Variants in OR52E6 observed in about 807,000 individuals in gnomAD.
OR52E6 encodes olfactory receptor 52E6.
For missense variants in OR52E6, 419 were observed against 381.5 expected (o/e 1.10, Z -0.82); for synonymous variants, 173 against 137.3 (o/e 1.26, Z -1.82).
In OR52E6 at chr11:5,841,409, A is replaced by G; in HGVS notation, c.489T>C (p.Phe163=). 6.2e-7 allele frequency: 1 copy of G among 1,614,222 alleles called. No homozygotes were observed. Among genetic ancestry groups the G allele is most frequent in the South Asian group, 1.1e-5 (1 of 91,084 alleles). The change falls in exon 1 of 1, where the codon TTT becomes TTC. Residue 163 remains phenylalanine (F), a synonymous_variant. Transcript: ENST00000329322. ...RSLYMVIPLV[F]LLLRLPFCGH... ...CACAGAAGGGCAACCTTAAGAGGAG[A>G]AACACCAGTGGAATGACCATGTACA...
At position 5,841,377 on chromosome 11, in the gene OR52E6, C is replaced by T. The variant is rs200669717; in HGVS notation, c.521G>A (p.Arg174His). The T allele has an allele frequency of 2.8e-4, 457 of 1,614,132 alleles. No homozygotes were observed. Among genetic ancestry groups the T allele is most frequent in the Non-Finnish European group, 3.6e-4 (426 of 1,180,016 alleles). ...LLLRLPFCGHRIIPHTYCEHM... is the reference protein window; with the variant it reads ...LLLRLPFCGHHIIPHTYCEHM... ...CTCACAGTAAGTATGAGGGATGATA[C>T]GATGTCCACAGAAGGGCAACCTTAA... The change falls in exon 1 of 1, where the codon CGT (arginine) becomes CAT (histidine). Residue 174 changes from arginine to histidine, a missense_variant. Transcript: ENST00000329322.
rs773834562 is a variant in OR52E6, at chr11:5,841,669, T to C, written c.229A>G (p.Thr77Ala). Residue 77 changes from threonine (T) to alanine (A), a missense_variant, in exon 1 of 1, where the codon ACG (threonine) becomes GCG (alanine). Coordinates refer to ENST00000329322, the MANE Select transcript of OR52E6 (RefSeq NM_001005167.2). ...MLDSIDLSLS[T>A]ATIPKMLGIF... is the part of the protein sequence containing the mutation. ...CCCAGCATTTTGGGAATGGTGGCCG[T>C]AGACAAGCTCAGGTCAATGGAATCC... 200 of 1,613,836 alleles carry C rather than the reference T, an allele frequency of 1.2e-4. No individual in the cohort carries two copies. Among genetic ancestry groups the C allele is most frequent in the Non-Finnish European group, 1.6e-4 (188 of 1,179,916 alleles).
Position 5,841,640 on chromosome 11 carries a change from G to A in OR52E6, c.258C>T (p.Ile86=). 1 of 1,614,102 alleles carries A rather than the reference G, an allele frequency of 6.2e-7. No individual in the cohort carries two copies. Among genetic ancestry groups the A allele is most frequent in the Non-Finnish European group, 8.5e-7 (1 of 1,179,988 alleles). The stretch of plus-strand genomic sequence containing the variant: ...ATATTTCCTTGATATTGAACCAGAA[G>A]ATGCCCAGCATTTTGGGAATGGTGG... The part of the protein sequence containing the change: ...STATIPKMLG[I]FWFNIKEISF... Residue 86 remains isoleucine (I), a synonymous_variant, in exon 1 of 1, where the codon ATC becomes ATT. Transcript: ENST00000329322.
Position 5,840,942 on chromosome 11 carries a change from C to T in OR52E6, c.*14G>A. ...ATCATGAATGCTAAGAGAGACCCTC[C>T]AAACTCCAACTGGTTAGTGATCTGT... is the stretch of plus-strand genomic sequence containing the variant. On this transcript the variant is annotated 3_prime_UTR_variant, in exon 1 of 1. Coordinates refer to ENST00000329322, the MANE Select transcript of OR52E6 (RefSeq NM_001005167.2). 2 of 1,515,544 alleles carry T rather than the reference C, an allele frequency of 1.3e-6. No homozygotes were observed. The highest frequency in any genetic ancestry group is 1.8e-6 in the Non-Finnish European group (2 of 1,129,698). The allele number at this position is 1,515,544 out of a possible 1,614,324, so 93.9% of individuals were successfully genotyped here. A position where few individuals can be genotyped will look rare whatever the true frequency, so the allele number is the denominator to read the frequency against.
In OR52E6 at chr11:5,841,639, A is replaced by C. The variant is rs201073329; in HGVS notation, c.259T>G (p.Phe87Val). 116 of 1,614,140 alleles carry C rather than the reference A, an allele frequency of 7.2e-5. No homozygotes were observed. Among genetic ancestry groups the C allele is most frequent in the Middle Eastern group, 1.7e-4 (1 of 6,060 alleles). Reference protein sequence around the residue: ...TATIPKMLGIFWFNIKEISFG... With the variant: ...TATIPKMLGIVWFNIKEISFG... ...GATATTTCCTTGATATTGAACCAGAAGATGCCCAGCATTTTGGGAATGGTG... is the reference window on the plus strand; with the variant it reads ...GATATTTCCTTGATATTGAACCAGACGATGCCCAGCATTTTGGGAATGGTG... Residue 87 changes from phenylalanine (F) to valine (V), a missense_variant, in exon 1 of 1, where the codon TTC becomes GTC. Transcript: ENST00000329322.
Position 5,841,777 on chromosome 11 carries a change from G to T in OR52E6, c.121C>A (p.Leu41Ile). 1.9e-6 allele frequency: 3 copies of T among 1,613,700 alleles called. No homozygotes were observed. Among genetic ancestry groups the T allele is most frequent in the East Asian group, 2.2e-5 (1 of 44,864 alleles). ...FPFFSVYLIA[L>I]LGNAAIFFVI... ...AAGAAGATAGCAGCATTTCCCAGGAGTGCAATAAGATACACAGAGAAAAAA... is the reference window on the plus strand; with the variant it reads ...AAGAAGATAGCAGCATTTCCCAGGATTGCAATAAGATACACAGAGAAAAAA... Residue 41 changes from leucine to isoleucine, a missense_variant, in exon 1 of 1, where the codon CTC (leucine) becomes ATC (isoleucine). Physicochemically the swap from Leu to Ile is conservative, Grantham distance 5. Transcript: ENST00000329322.
chr11:5,841,867 T>G lies in OR52E6; in HGVS notation c.31A>C (p.Thr11Pro), dbSNP rs759317948. The change falls in exon 1 of 1, where the codon ACT becomes CCT. Residue 11 changes from threonine (T) to proline (P), a missense_variant. By Grantham distance (38) the Thr-to-Pro change is conservative. Coordinates refer to ENST00000329322, the MANE Select transcript of OR52E6 (RefSeq NM_001005167.2). Reference sequence around the variant, plus strand: ...ATACCCAGCAGTAGGAATGAAGAAGTATGGAACTGGGTGTCGTTAGCTATA... The same window carrying G: ...ATACCCAGCAGTAGGAATGAAGAAGGATGGAACTGGGTGTCGTTAGCTATA... The part of the protein sequence containing the change: MPIANDTQFH[T>P]SSFLLLGIPG... 6.2e-7 allele frequency: 1 copy of G among 1,612,202 alleles called. No individual in the cohort carries two copies.
At position 5,841,067 on chromosome 11, in the gene OR52E6, C is replaced by T; in HGVS notation, c.831G>A (p.Leu277=). The change falls in exon 1 of 1, where the codon TTG becomes TTA. Residue 277 remains leucine (L), a synonymous_variant. Coordinates refer to ENST00000329322, the MANE Select transcript of OR52E6 (RefSeq NM_001005167.2). ...HDIPQYIHIF[L]ANLYVVVPPT... is the part of the protein sequence containing the mutation. ...GAGGAACAACCACATATAGATTAGCCAAGAAAATGTGGATATATTGGGGAA... is the reference window on the plus strand; with the variant it reads ...GAGGAACAACCACATATAGATTAGCTAAGAAAATGTGGATATATTGGGGAA... 1 of 1,613,638 alleles carries T rather than the reference C, an allele frequency of 6.2e-7. No homozygotes were observed. Among genetic ancestry groups the T allele is most frequent in the Non-Finnish European group, 8.5e-7 (1 of 1,179,846 alleles).
Position 5,841,036 on chromosome 11 carries a change from G to A in OR52E6, c.862C>T (p.Leu288Phe), listed in dbSNP as rs778099730. 2 of 1,613,360 alleles carry A rather than the reference G, an allele frequency of 1.2e-6. No individual in the cohort carries two copies. The highest frequency in any genetic ancestry group is 2.7e-5 in the African/African-American group (2 of 75,002). Residue 288 changes from leucine (L) to phenylalanine (F), a missense_variant, in exon 1 of 1, where the codon CTC becomes TTC. Physicochemically the swap from Leu to Phe is conservative, Grantham distance 22 (BLOSUM62 0). Coordinates refer to ENST00000329322, the MANE Select transcript of OR52E6 (RefSeq NM_001005167.2). Reference sequence around the variant, plus strand: ...CTGACCCCATAGATTACAGGATTGAGGGTGGGAGGAACAACCACATATAGA... The same window carrying A: ...CTGACCCCATAGATTACAGGATTGAAGGTGGGAGGAACAACCACATATAGA... ...ANLYVVVPPT[L>F]NPVIYGVRTK...
chr11:5,841,809 C>T lies in OR52E6; in HGVS notation c.89G>A (p.Gly30Glu). 1 of 1,613,864 alleles carries T rather than the reference C, an allele frequency of 6.2e-7. No individual in the cohort carries two copies. Among genetic ancestry groups the T allele is most frequent in the South Asian group, 1.1e-5 (1 of 91,056 alleles). The change falls in exon 1 of 1, where the codon GGA (glycine) becomes GAA (glutamate). Residue 30 changes from glycine (G) to glutamate (E), a missense_variant. By Grantham distance (98) the Gly-to-Glu change is moderately conservative. Transcript: ENST00000329322. The part of the protein sequence containing the change: ...PGLEDVHIWI[G>E]FPFFSVYLIA... The stretch of plus-strand genomic sequence containing the variant: ...AAGATACACAGAGAAAAAAGGGAAT[C>T]CAATCCAGATGTGCACATCTTCTAG...
At position 5,841,254 on chromosome 11, in the gene OR52E6, A is replaced by G; in HGVS notation, c.644T>C (p.Ile215Thr). The G allele has an allele frequency of 6.2e-7, 1 of 1,614,010 alleles. No homozygotes were observed. The highest frequency in any genetic ancestry group is 2.2e-5 in the East Asian group (1 of 44,824). Reference protein sequence around the residue: ...ISLLLLDVLLIILSHIRILYA... With the variant: ...ISLLLLDVLLTILSHIRILYA... ...GAGGATCCTGATATGGGAGAGAATAATAAGGAGCACATCCAATAACAAGAG... is the reference window on the plus strand; with the variant it reads ...GAGGATCCTGATATGGGAGAGAATAGTAAGGAGCACATCCAATAACAAGAG... Residue 215 changes from isoleucine to threonine, a missense_variant, in exon 1 of 1, where the codon ATT (isoleucine) becomes ACT (threonine). By Grantham distance (89) the Ile-to-Thr change is moderately conservative. Transcript: ENST00000329322.
rs757119732 is a variant in OR52E6, at chr11:5,841,627, T to C, written c.271A>G (p.Ile91Val). Reference protein sequence around the residue: ...PKMLGIFWFNIKEISFGGYLS... With the variant: ...PKMLGIFWFNVKEISFGGYLS... ...TAGCCTCCAAAAGATATTTCCTTGATATTGAACCAGAAGATGCCCAGCATT... is the reference window on the plus strand; with the variant it reads ...TAGCCTCCAAAAGATATTTCCTTGACATTGAACCAGAAGATGCCCAGCATT... Residue 91 changes from isoleucine to valine, a missense_variant, in exon 1 of 1, where the codon ATC becomes GTC. Transcript: ENST00000329322. 3.2e-5 allele frequency: 51 copies of C among 1,614,016 alleles called. No homozygotes were observed. Among genetic ancestry groups the C allele is most frequent in the African/African-American group, 1.3e-5 (1 of 74,932 alleles).
Position 5,841,521 on chromosome 11 carries a change from A to G in OR52E6, c.377T>C (p.Ile126Thr). The G allele has an allele frequency of 6.2e-7, 1 of 1,614,142 alleles. No homozygotes were observed. Among genetic ancestry groups the G allele is most frequent in the African/African-American group, 1.3e-5 (1 of 75,050 alleles). ...VLVAMAFDRY[I>T]AICKPLWYTM... Reference sequence around the variant, plus strand: ...GTACCAAAGAGGTTTGCAAATGGCAATGTAGCGGTCAAAGGCCATGGCCAC... The same window carrying G: ...GTACCAAAGAGGTTTGCAAATGGCAGTGTAGCGGTCAAAGGCCATGGCCAC... Residue 126 changes from isoleucine to threonine, a missense_variant, in exon 1 of 1, where the codon ATT becomes ACT. Transcript: ENST00000329322.
chr11:5,841,655 G>T lies in OR52E6; in HGVS notation c.243C>A (p.Pro81=), dbSNP rs755279804. ...TGAACCAGAAGATGCCCAGCATTTT[G>T]GGAATGGTGGCCGTAGACAAGCTCA... ...IDLSLSTATI[P]KMLGIFWFNI... The change falls in exon 1 of 1, where the codon CCC becomes CCA. Residue 81 remains proline, a synonymous_variant. Transcript: ENST00000329322. 2.5e-6 allele frequency: 4 copies of T among 1,613,916 alleles called. No individual in the cohort carries two copies. Among genetic ancestry groups the T allele is most frequent in the Admixed American group, 1.7e-5 (1 of 59,988 alleles).
Position 5,840,998 on chromosome 11 carries a change from A to C in OR52E6, c.900T>G (p.Ile300Met). The C allele has an allele frequency of 6.3e-7, 1 of 1,598,124 alleles. No homozygotes were observed. The highest frequency in any genetic ancestry group is 1.3e-5 in the African/African-American group (1 of 74,398). The change falls in exon 1 of 1, where the codon ATT becomes ATG. Residue 300 changes from isoleucine (I) to methionine (M), a missense_variant. By Grantham distance (10) the Ile-to-Met change is conservative. Coordinates refer to ENST00000329322, the MANE Select transcript of OR52E6 (RefSeq NM_001005167.2). ...AGAAAATCCTCAGCACTGTCTCCCT[A>C]ATATGTTTGGTTCTGACCCCATAGA... Reference protein sequence around the residue: ...PVIYGVRTKHIRETVLRIFFK... With the variant: ...PVIYGVRTKHMRETVLRIFFK...
chr11:5,841,351 G>A lies in OR52E6; in HGVS notation c.547C>T (p.His183Tyr). The change falls in exon 1 of 1, where the codon CAC (histidine) becomes TAC (tyrosine). Residue 183 changes from histidine (H) to tyrosine (Y), a missense_variant. Physicochemically the swap from His to Tyr is moderately conservative, Grantham distance 83. Transcript: ENST00000329322. ...HRIIPHTYCE[H>Y]MGIARLACAS... ...CAGGCCAGACGGGCAATGCCCATGT[G>A]CTCACAGTAAGTATGAGGGATGATA... 6.2e-7 allele frequency: 1 copy of A among 1,614,152 alleles called. No individual in the cohort carries two copies. The highest frequency in any genetic ancestry group is 8.5e-7 in the Non-Finnish European group (1 of 1,180,016).
In OR52E6 at chr11:5,841,047, A is replaced by G. The variant is rs1217238740; in HGVS notation, c.851T>C (p.Val284Ala). The G allele has an allele frequency of 6.2e-7, 1 of 1,613,752 alleles. No homozygotes were observed. The highest frequency in any genetic ancestry group is 8.5e-7 in the Non-Finnish European group (1 of 1,179,818). ...HIFLANLYVV[V>A]PPTLNPVIYG... ...GATTACAGGATTGAGGGTGGGAGGA[A>G]CAACCACATATAGATTAGCCAAGAA... is the stretch of plus-strand genomic sequence containing the variant. Residue 284 changes from valine to alanine, a missense_variant, in exon 1 of 1, where the codon GTT becomes GCT. Physicochemically the swap from Val to Ala is moderately conservative, Grantham distance 64. Transcript: ENST00000329322.
chr11:5,841,772 C>G lies in OR52E6; in HGVS notation c.126G>C (p.Leu42=), dbSNP rs1234124467. The part of the protein sequence containing the change: ...PFFSVYLIAL[L]GNAAIFFVIQ... ...TCACAAAGAAGATAGCAGCATTTCC[C>G]AGGAGTGCAATAAGATACACAGAGA... The change falls in exon 1 of 1, where the codon CTG becomes CTC. Residue 42 remains leucine, a synonymous_variant. Transcript: ENST00000329322. 1 of 1,613,844 alleles carries G rather than the reference C, an allele frequency of 6.2e-7. No individual in the cohort carries two copies. Among genetic ancestry groups the G allele is most frequent in the Admixed American group, 1.7e-5 (1 of 59,980 alleles).
chr11:5,841,363 T>A lies in OR52E6; in HGVS notation c.535A>T (p.Thr179Ser). 6.2e-7 allele frequency: 1 copy of A among 1,613,856 alleles called. No homozygotes were observed. The highest frequency in any genetic ancestry group is 2.2e-5 in the East Asian group (1 of 44,866). ...PFCGHRIIPH[T>S]YCEHMGIARL... The stretch of plus-strand genomic sequence containing the variant: ...GCAATGCCCATGTGCTCACAGTAAG[T>A]ATGAGGGATGATACGATGTCCACAG... The change falls in exon 1 of 1, where the codon ACT becomes TCT. Residue 179 changes from threonine to serine, a missense_variant. By Grantham distance (58) the Thr-to-Ser change is moderately conservative. Transcript: ENST00000329322.
Sources: gnomAD v4.1 joint callset for allele counts on GRCh38, gnomAD v4.1.1 for gene constraint, MANE v1.5 for transcripts, NCBI Gene and HGNC (gene_info 2026-07-23, HGNC 2026-07-21) for gene names.